Variants in TOP3A observed in about 807,000 individuals in gnomAD.
TOP3A encodes the protein DNA topoisomerase 3-alpha.
Under a neutral mutation model 111.3 loss-of-function variants are expected in TOP3A, and 64 were observed. The observed-to-expected ratio is 0.57, with a 90% CI of 0.47 to 0.71. TOP3A has a LOEUF of 0.71. Ranked by LOEUF, TOP3A falls within the 30% of genes least tolerant of loss-of-function variation. TOP3A has a pLI of 0.00. For synonymous variants in TOP3A, 484 were observed against 485.1 expected (o/e 1.00, Z 0.03); for missense variants, 1,104 against 1,285.0 (o/e 0.86, Z 2.15).
At position 18,308,223 on chromosome 17, in the gene TOP3A, C is replaced by CAAA. The variant is rs201230376; in HGVS notation, c.314+125_314+127dup. 3.9e-4 allele frequency: 95 copies of CAAA among 245,754 alleles called. 4 individuals carry two copies. Among genetic ancestry groups the CAAA allele is most frequent in the South Asian group, 9.3e-4 (13 of 13,936 alleles). 15.2% of individuals were successfully genotyped at this position (245,754 alleles called of 1,614,324 possible). A position where few individuals can be genotyped will look rare whatever the true frequency, so the allele number is the denominator to read the frequency against. On this transcript the variant is annotated intron_variant, in intron 3 of 18. Transcript: ENST00000321105. ...TCTCACTCTGAAACTTTGTCTCCAA[C>CAAA]AAAAAAAAAAAAAAAAAAAAAAAAA...
chr17:18,277,594 C>G lies in TOP3A; in HGVS notation c.2827+81G>C, dbSNP rs577676896. Reference sequence around the variant, plus strand: ...CCAATCCCACCATGACCCTGCCTTGCCTTCTTTCTGCTGTCCCCAGTCTCT... The same window carrying G: ...CCAATCCCACCATGACCCTGCCTTGGCTTCTTTCTGCTGTCCCCAGTCTCT... On this transcript the variant is annotated intron_variant, in intron 18 of 18. Transcript: ENST00000321105. 598 of 1,501,708 alleles carry G rather than the reference C, an allele frequency of 4.0e-4. 2 individuals are homozygous for G. The Middle Eastern group carries it at 5.0e-3, about 13-fold the overall frequency. 93.0% of individuals were successfully genotyped at this position (1,501,708 alleles called of 1,614,324 possible).
intron 5 of TOP3A, among the ~76,000 whole-genome samples, chr17:18,303,276 G>C (rs1256055535): frequency 1.3e-5 from 2 of 152,164 alleles, no homozygotes; most frequent in Non-Finnish European, 2.9e-5. Context: ...AGGGACCCCT[G>C]CCCAAGAAAG....
At chr17:18,275,075 T>C in intron 18 of TOP3A, 95 bp from the exon 19 acceptor site, 1 of 1,495,834 alleles carries the variant, frequency 6.7e-7, no homozygotes, top group South Asian at 1.3e-5. Context: ...TCCCAGCACT[T>C]TAGGAAGCTG....
Position 18,285,457 on chromosome 17 carries a change from G to T in TOP3A, c.1661C>A (p.Thr554Asn), listed in dbSNP as rs774588343. ...CCCAGGGAGGAACCGCTTGTCTGGG[G>T]TGAGGCCCACGTACATCCGGGCTTT... ...TIKARMYVGL[T>N]PDKRFLPGHL... is the part of the protein sequence containing the mutation. Residue 554 changes from threonine (T) to asparagine (N), a missense_variant, in exon 14 of 19, where the codon ACC becomes AAC. Thr to Asn is a moderately conservative substitution (Grantham distance 65, BLOSUM62 0). Coordinates refer to ENST00000321105, the MANE Select transcript of TOP3A (RefSeq NM_004618.5). The T allele has an allele frequency of 2.5e-6, 4 of 1,614,062 alleles. No individual in the cohort carries two copies. In the Admixed American group the frequency reaches 6.7e-5, roughly 27 times the overall value.
chr17:18,279,092 G>A (rs992642529), intron 17 of TOP3A, among the ~76,000 whole-genome samples: 3 of 152,208 alleles, frequency 2.0e-5, no homozygotes, highest in African/African-American at 7.2e-5. Context: ...TGCAGAAGCA[G>A]ATACGGGAAT....
chr17:18,308,882 C>A lies in TOP3A; in HGVS notation c.240G>T (p.Gln80His), dbSNP rs1359177130. Reference sequence around the variant, plus strand: ...ATTTTAGAAATATTTTAGCACCTACCTGGCCATACAGATGATAATCAAATT... The same window carrying A: ...ATTTTAGAAATATTTTAGCACCTACATGGCCATACAGATGATAATCAAATT... Reference protein sequence around the residue: ...IYEFDYHLYGQNVTMVMTSVS... With the variant: ...IYEFDYHLYGHNVTMVMTSVS... The change falls in exon 2 of 19, where the codon CAG (glutamine) becomes CAT (histidine). Residue 80 changes from glutamine to histidine, a missense_variant and splice_region_variant. Physicochemically the swap from Gln to His is conservative, Grantham distance 24. Coordinates refer to ENST00000321105, the MANE Select transcript of TOP3A (RefSeq NM_004618.5). 1 of 1,567,042 alleles carries A rather than the reference C, an allele frequency of 6.4e-7. No individual in the cohort carries two copies. Among genetic ancestry groups the A allele is most frequent in the East Asian group, 2.3e-5 (1 of 43,780 alleles).
chr17:18,298,071 T>C (rs1398532450), intron 9 of TOP3A, among the ~76,000 whole-genome samples: 1 of 138,408 alleles, frequency 7.2e-6, no homozygotes, highest in Non-Finnish European at 1.6e-5. Context: ...ACCTCTGCCC[T>C]GCCGCCCCGT....
chr17:18,291,569 A>G (rs1019858296), intron 11 of TOP3A, among the ~76,000 whole-genome samples: 1 of 152,254 alleles, frequency 6.6e-6, no homozygotes, highest in Non-Finnish European at 1.5e-5. Flanking sequence ...ATGTCTACAA[A>G]TGTTAACTAT....
chr17:18,303,823 G>A (rs745720087), intron 5 of TOP3A, among the ~76,000 whole-genome samples: 2 of 150,782 alleles, frequency 1.3e-5, no homozygotes, highest in Non-Finnish European at 1.5e-5. Context: ...GCTGAGCGCC[G>A]GTCCCCTGGG....
At chr17:18,300,267 G>A (rs1420763822) in intron 8 of TOP3A, among the ~76,000 whole-genome samples, 1 of 152,054 alleles carries the variant, frequency 6.6e-6, no homozygotes, top group African/African-American at 2.4e-5. Context: ...GGTGGTGCAC[G>A]CCTGTAGTTC....
At chr17:18,305,337 T>C in intron 4 of TOP3A, 117 bp from the exon 5 acceptor site, 1 of 822,368 alleles carries the variant, frequency 1.2e-6, no homozygotes. Flanking sequence ...TGTGACAACT[T>C]GGCAAGGGAA....
chr17:18,276,001 T>C (rs1220669800), intron 18 of TOP3A, among the ~76,000 whole-genome samples: 1 of 152,128 alleles, frequency 6.6e-6, no homozygotes, highest in Non-Finnish European at 1.5e-5. Context: ...CCAGCCAGCC[T>C]CCCTTCACAC....
Position 18,278,168 on chromosome 17 carries a change from G to A in TOP3A, c.2334C>T (p.Ser778=), listed in dbSNP as rs2142933895. The A allele has an allele frequency of 2.5e-6, 4 of 1,614,076 alleles. No individual in the cohort carries two copies. In the Middle Eastern group the frequency reaches 5.0e-4, roughly 200 times the overall value. Reference sequence around the variant, plus strand: ...TGCTGTCAGCAGGCTGGGGGTGCTGGCTGTTGTCCATCCTGTTCAGGGACT... The same window carrying A: ...TGCTGTCAGCAGGCTGGGGGTGCTGACTGTTGTCCATCCTGTTCAGGGACT... ...ANQSLNRMDN[S]QHPQPADSRQ... Residue 778 remains serine (S), a synonymous_variant, in exon 18 of 19, where the codon AGC becomes AGT. Transcript: ENST00000321105.
chr17:18,296,560 C>A (rs1980820906), intron 9 of TOP3A, among the ~76,000 whole-genome samples: 2 of 152,126 alleles, frequency 1.3e-5, no homozygotes, highest in African/African-American at 4.8e-5. Flanking sequence ...AGCCTGGCGA[C>A]AGAGCAAGAC....
Position 18,274,534 on chromosome 17 carries a change from G to C in TOP3A, c.*268C>G, listed in dbSNP as rs1253816491. On this transcript the variant is annotated 3_prime_UTR_variant, in exon 19 of 19. Transcript: ENST00000321105. ...CCTCTGCTAACAGCAACCATCCTTG[G>C]GGGGTCCGAGGGAGCAGCTGCGTGA... 4.2e-5 allele frequency: 14 copies of C among 336,828 alleles called. No homozygotes were observed. In the East Asian group the frequency reaches 6.7e-4, roughly 16 times the overall value. The allele number at this position is 336,828 out of a possible 1,614,324, so 20.9% of individuals were successfully genotyped here.
Position 18,278,290 on chromosome 17 carries a change from C to T in TOP3A, c.2212G>A (p.Gly738Ser), listed in dbSNP as rs772328041. The T allele has an allele frequency of 5.9e-6, 9 of 1,525,296 alleles. No individual in the cohort carries two copies. Among genetic ancestry groups the T allele is most frequent in the African/African-American group, 1.4e-5 (1 of 72,068 alleles). The allele number at this position is 1,525,296 out of a possible 1,614,324, so 94.5% of individuals were successfully genotyped here. ...TCCCTCAGGGTGTCGTCGCATCCGC[C>T]GATGCAGCAAACAAACTCCAGAGGC... ...TMPLEFVCCI[G>S]GCDDTLREIL... is the part of the protein sequence containing the mutation. Residue 738 changes from glycine (G) to serine (S), a missense_variant, in exon 18 of 19, where the codon GGC (glycine) becomes AGC (serine). By Grantham distance (56) the Gly-to-Ser change is moderately conservative. Coordinates refer to ENST00000321105, the MANE Select transcript of TOP3A (RefSeq NM_004618.5).
intron 8 of TOP3A, among the ~76,000 whole-genome samples, chr17:18,301,492 T>C (rs1197532055): frequency 1.1e-4 from 16 of 152,234 alleles, no homozygotes; most frequent in Non-Finnish European, 8.8e-5. Context: ...CCCACTAATT[T>C]GTGACTTTCA....
intron 2 of TOP3A, 63 bp downstream of exon 2, chr17:18,308,819 G>T: frequency 9.1e-7 from 1 of 1,104,660 alleles, no homozygotes; most frequent in South Asian, 1.6e-5. Flanking sequence ...TTCTACATAT[G>T]ACGAGGCTGA....
chr17:18,284,401 T>C (rs1379106556), intron 15 of TOP3A, among the ~76,000 whole-genome samples: 1 of 152,172 alleles, frequency 6.6e-6, no homozygotes, highest in Non-Finnish European at 1.5e-5. Flanking sequence ...CCAGCCCCTC[T>C]GCTCTTCCTG....
Sources: gnomAD v4.1 joint callset for allele counts (sites outside exome capture counted in the v4.1 genomes callset) on GRCh38, gnomAD v4.1.1 for gene constraint, MANE v1.5 for transcripts, NCBI Gene and HGNC (gene_info 2026-07-23, HGNC 2026-07-21) for gene names.